APBB2: variants seen among roughly 807,000 people sequenced by gnomAD.
APBB2 encodes the protein amyloid beta precursor protein binding family B member 2, also known as Fe65-like 1.
A neutral mutation model predicts 82.5 loss-of-function variants in APBB2; 38 were observed. The observed-to-expected ratio is 0.46, with a 90% CI of 0.36 to 0.60. The LOEUF is 0.60. Ranked by LOEUF, APBB2 falls within the 20% of genes least tolerant of loss-of-function variation. The probability of loss-of-function intolerance (pLI) is 0.00; values close to 1 mark genes in which losing one functional copy is unlikely to be tolerated. For synonymous variants in APBB2, 341 were observed against 368.2 expected, an observed-to-expected ratio of 0.93 and a Z score of 0.85; for missense variants, 772 against 972.3, an observed-to-expected ratio of 0.79 and a Z score of 2.74.
chr4:41,107,849 G>C (rs1687474961), intron 2 of APBB2, among the ~76,000 whole-genome samples: 2 of 152,066 alleles, frequency 1.3e-5, no homozygotes, highest in African/African-American at 4.8e-5. Flanking sequence ...AACAAAAACA[G>C]GGTGACTGTT....
chr4:41,075,125 C>A (rs2585584), intron 3 of APBB2, among the ~76,000 whole-genome samples: 26,548 of 152,156 alleles, frequency 0.17, 2,667 homozygotes, highest in Middle Eastern at 0.24. Flanking sequence ...AAGAGTGACA[C>A]TCTGTCTCCA....
intron 3 of APBB2, among the ~76,000 whole-genome samples, chr4:41,079,749 G>A (rs907637197): frequency 7.9e-5 from 12 of 151,934 alleles, no homozygotes; most frequent in Non-Finnish European, 1.5e-4. Context: ...GGGTTTCACC[G>A]TGTTGTCCAG....
chr4:41,014,151 C>G lies in APBB2; in HGVS notation c.267G>C (p.Leu89=), dbSNP rs2154429854. The G allele has an allele frequency of 6.2e-7, 1 of 1,614,218 alleles. No individual in the cohort carries two copies. The highest frequency in any genetic ancestry group is 8.5e-7 in the Non-Finnish European group (1 of 1,180,046). The change falls in exon 6 of 18, where the codon CTG becomes CTC. Residue 89 remains leucine (L), a synonymous_variant. Transcript: ENST00000508593. ...TGATGTTGGCAGAGCCATTTCCCAG[C>G]AGGGGCTGTGCAGCTGGATCCGAGA... ...MGLSDPAAQP[L]LGNGSANIKL... is the part of the protein sequence containing the mutation.
intron 1 of APBB2, among the ~76,000 whole-genome samples, chr4:41,160,981 T>G (rs1348173301): frequency 6.6e-6 from 1 of 152,058 alleles, no homozygotes; most frequent in African/African-American, 2.4e-5. Context: ...CAGCTTGTGG[T>G]TAAGCTGAGA....
chr4:41,004,378 C>T (rs1806095337), intron 6 of APBB2, among the ~76,000 whole-genome samples: 1 of 152,046 alleles, frequency 6.6e-6, no homozygotes, highest in African/African-American at 2.4e-5. Flanking sequence ...GTATGATGGG[C>T]AAAATGGAGC....
intron 5 of APBB2, among the ~76,000 whole-genome samples, chr4:41,025,636 G>A (rs1030127839): frequency 6.6e-6 from 1 of 151,954 alleles, no homozygotes; most frequent in Admixed American, 6.6e-5. Flanking sequence ...AAGAAAATGT[G>A]GGCCAGTCAT....
At position 40,945,091 on chromosome 4, in the gene APBB2, GGGGC is replaced by G; in HGVS notation, c.836-22_836-19del. The G allele has an allele frequency of 8.8e-7, 1 of 1,139,544 alleles. No individual in the cohort carries two copies. The highest frequency in any genetic ancestry group is 1.2e-5 in the South Asian group (1 of 82,636). The allele number at this position is 1,139,544 out of a possible 1,614,324, so 70.6% of individuals were successfully genotyped here. On this transcript the variant is annotated intron_variant, in intron 6 of 17. Transcript: ENST00000508593. ...TATATCTGCTGAAAAATTGGGGGGCGGGGCGGGGGGAGAAAGAGAGAATTTTATT... is the reference window on the plus strand; with the variant it reads ...TATATCTGCTGAAAAATTGGGGGGCGGGGGGGAGAAAGAGAGAATTTTATT...
chr4:41,083,460 G>A (rs549485941), intron 3 of APBB2, among the ~76,000 whole-genome samples: 1 of 151,982 alleles, frequency 6.6e-6, no homozygotes, highest in Admixed American at 6.5e-5. Flanking sequence ...GGAGGCCAAG[G>A]CAGGTGGATC....
At chr4:40,916,188 T>C (rs776149936) in intron 10 of APBB2, among the ~76,000 whole-genome samples, 7 of 152,292 alleles carry the variant, frequency 4.6e-5, no homozygotes, top group Admixed American at 1.3e-4. Context: ...GAGGAATGTA[T>C]GTGCACAGAG....
chr4:40,851,726 ATATATATATATATTTTTT>A (rs979397065), intron 12 of APBB2, among the ~76,000 whole-genome samples: 40 of 28,628 alleles, frequency 1.4e-3, no homozygotes, highest in African/African-American at 5.5e-3. Context: ...GCATATATAT[ATATATATATATATTTTTT>A]TTTTTTTTTT....
intron 12 of APBB2, among the ~76,000 whole-genome samples, chr4:40,885,061 T>C (rs1005318106): frequency 3.3e-5 from 5 of 152,238 alleles, no homozygotes; most frequent in African/African-American, 4.8e-5. Flanking sequence ...TCTGTAAGCA[T>C]AAGCAACATC....
intron 6 of APBB2, among the ~76,000 whole-genome samples, chr4:40,961,667 T>TAAAAAAAAA (rs60942744): frequency 4.4e-5 from 3 of 68,248 alleles, no homozygotes; most frequent in African/African-American, 6.0e-5. Context: ...AAAAAAGATG[T>TAAAAAAAAA]AAAAAAAAAA....
At chr4:41,124,094 T>C (rs541550575) in intron 2 of APBB2, among the ~76,000 whole-genome samples, 3 of 152,350 alleles carry the variant, frequency 2.0e-5, no homozygotes, top group South Asian at 4.1e-4. Context: ...TCCTCATACA[T>C]AGATGAACAC....
chr4:40,908,682 A>G (rs1777732837), intron 10 of APBB2, among the ~76,000 whole-genome samples: 1 of 152,104 alleles, frequency 6.6e-6, no homozygotes, highest in Non-Finnish European at 1.5e-5. Context: ...CCCTGAGGAG[A>G]AGAAAATAAT....
At chr4:41,142,090 G>T (rs966262661) in intron 2 of APBB2, among the ~76,000 whole-genome samples, 1 of 152,186 alleles carries the variant, frequency 6.6e-6, no homozygotes, top group African/African-American at 2.4e-5. Flanking sequence ...TTAAAAGATG[G>T]AGGAAAAGGA....
chr4:41,112,974 G>A (rs953255763), intron 2 of APBB2, among the ~76,000 whole-genome samples: 2 of 151,348 alleles, frequency 1.3e-5, no homozygotes, highest in South Asian at 2.1e-4. Context: ...GCGACAGAGC[G>A]AGACTCTGTC....
chr4:40,936,440 G>A (rs763924144), intron 7 of APBB2, among the ~76,000 whole-genome samples: 9 of 152,040 alleles, frequency 5.9e-5, no homozygotes, highest in Non-Finnish European at 1.0e-4. Flanking sequence ...CTTTTTTGTT[G>A]AGATGGGGGT....
chr4:40,982,517 C>CA (rs1346348948), intron 6 of APBB2, among the ~76,000 whole-genome samples: 1 of 151,316 alleles, frequency 6.6e-6, no homozygotes, highest in East Asian at 2.0e-4. Flanking sequence ...CCCAATGTAG[C>CA]AAAACCCTTA....
At chr4:40,945,408 A>G (rs1156570001) in intron 6 of APBB2, among the ~76,000 whole-genome samples, 1 of 143,348 alleles carries the variant, frequency 7.0e-6, no homozygotes, top group Non-Finnish European at 1.5e-5. Flanking sequence ...AAATTCACAT[A>G]GTTATACACA....
Sources: gnomAD v4.1 joint callset for allele counts (sites outside exome capture counted in the v4.1 genomes callset) on GRCh38, gnomAD v4.1.1 for gene constraint, MANE v1.5 for transcripts, NCBI Gene and HGNC (gene_info 2026-07-23, HGNC 2026-07-21) for gene names.